EML4: variants seen among roughly 807,000 people sequenced by gnomAD.
EML4 encodes the protein EMAP like 4.
Under a neutral mutation model 129.0 loss-of-function variants are expected in EML4, and 72 were observed. The observed-to-expected ratio is 0.56, with a 90% CI of 0.46 to 0.68. EML4 has a LOEUF of 0.68. Among genes scored for constraint, EML4 ranks in the 30% least tolerant of loss-of-function variants. EML4 has a pLI of 0.00. For missense variants in EML4, 1,363 were observed against 1,190.6 expected, an observed-to-expected ratio of 1.14 and a Z score of -2.13; for synonymous variants, 532 against 405.0, an observed-to-expected ratio of 1.31 and a Z score of -3.77.
At chr2:42,178,779 A>G (rs899652269) in intron 1 of EML4, among the ~76,000 whole-genome samples, 3 of 152,226 alleles carry the variant, frequency 2.0e-5, no homozygotes, top group Non-Finnish European at 2.9e-5. Flanking sequence ...CCTGATTGGT[A>G]CACTCAAACC....
intron 8 of EML4, among the ~76,000 whole-genome samples, 179 bp downstream of exon 8, chr2:42,283,151 G>A (rs1667103775): frequency 6.6e-6 from 1 of 152,204 alleles, no homozygotes; most frequent in Non-Finnish European, 1.5e-5. Context: ...CCAAAATGGT[G>A]GTGTGGTATC....
chr2:42,266,153 A>C (rs1024873951), intron 6 of EML4, among the ~76,000 whole-genome samples: 1 of 152,242 alleles, frequency 6.6e-6, no homozygotes, highest in Non-Finnish European at 1.5e-5. Context: ...AAGAAAAGAA[A>C]GAAATATTTG....
chr2:42,175,248 G>T (rs1231500825), intron 1 of EML4, among the ~76,000 whole-genome samples: 1 of 151,344 alleles, frequency 6.6e-6, no homozygotes, highest in African/African-American at 2.4e-5. Context: ...CGAGTAGCTG[G>T]GACTACAGGC....
chr2:42,329,051 G>A lies in EML4; in HGVS notation c.2472+35G>A, dbSNP rs760085081. The A allele has an allele frequency of 1.6e-5, 25 of 1,593,686 alleles. 1 individual carries two copies. The Admixed American group carries it at 4.0e-4, about 25-fold the overall frequency. On this transcript the variant is annotated intron_variant, in intron 22 of 22. Coordinates refer to ENST00000318522, the MANE Select transcript of EML4 (RefSeq NM_019063.5). The stretch of plus-strand genomic sequence containing the variant: ...CTTTAATAGAAACTAATGTTATAAG[G>A]CCTTCTGTCCAGGGATGATTTTGCA...
chr2:42,269,187 G>A (rs1256090722), intron 6 of EML4, among the ~76,000 whole-genome samples: 1 of 152,184 alleles, frequency 6.6e-6, no homozygotes, highest in Non-Finnish European at 1.5e-5. Flanking sequence ...TACTTGAAAA[G>A]TCATTTTGAA....
chr2:42,208,244 T>C (rs1672676852), intron 1 of EML4, among the ~76,000 whole-genome samples: 1 of 152,118 alleles, frequency 6.6e-6, no homozygotes, highest in Non-Finnish European at 1.5e-5. Context: ...TTGAGATAAA[T>C]TTTCATTCTC....
intron 11 of EML4, chr2:42,289,163 T>G (rs567167875): frequency 1.3e-5 from 2 of 152,344 alleles, no homozygotes; most frequent in South Asian, 4.1e-4. Flanking sequence ...AACCTCAAAC[T>G]TTAAAAAACA....
intron 18 of EML4, among the ~76,000 whole-genome samples, chr2:42,317,164 G>T (rs1365829084): frequency 2.6e-5 from 4 of 152,156 alleles, no homozygotes; most frequent in Non-Finnish European, 5.9e-5. Flanking sequence ...ACCCAAGAAG[G>T]CAGGATAACC....
intron 1 of EML4, among the ~76,000 whole-genome samples, chr2:42,182,900 T>C (rs1232685182): frequency 6.6e-6 from 1 of 152,176 alleles, no homozygotes. Context: ...TGTGTACATA[T>C]CACTGGTGCC....
chr2:42,282,841 G>A lies in EML4; in HGVS notation c.810G>A (p.Lys270=). Reference sequence around the variant, plus strand: ...TGTTAAGATATGGTTATCGAGGAAAGGACTGTAGAGCTAATGTTTACCTTC... The same window carrying A: ...TGTTAAGATATGGTTATCGAGGAAAAGACTGTAGAGCTAATGTTTACCTTC... ...KLEWAYGYRG[K]DCRANVYLLP... is the part of the protein sequence containing the mutation. The change falls in exon 8 of 23, where the codon AAG becomes AAA. Residue 270 remains lysine, a synonymous_variant. Coordinates refer to ENST00000318522, the MANE Select transcript of EML4 (RefSeq NM_019063.5). 6.2e-7 allele frequency: 1 copy of A among 1,612,972 alleles called. No homozygotes were observed. The highest frequency in any genetic ancestry group is 8.5e-7 in the Non-Finnish European group (1 of 1,179,278).
At chr2:42,210,255 C>T (rs1379819126) in intron 1 of EML4, among the ~76,000 whole-genome samples, 1 of 151,932 alleles carries the variant, frequency 6.6e-6, no homozygotes, top group Admixed American at 6.6e-5. Context: ...TTTTTGATAC[C>T]TCGACAGTTT....
intron 1 of EML4, among the ~76,000 whole-genome samples, chr2:42,174,641 C>T (rs182848126): frequency 6.3e-4 from 96 of 152,148 alleles, no homozygotes; most frequent in Non-Finnish European, 9.3e-4. Context: ...CTTTAGCTGT[C>T]TTAGGCTTTT....
chr2:42,311,125 T>C (rs1450874767), intron 17 of EML4, among the ~76,000 whole-genome samples: 1 of 152,220 alleles, frequency 6.6e-6, no homozygotes, highest in Non-Finnish European at 1.5e-5. Flanking sequence ...TTAAGAGTTT[T>C]AGGTTTCTAC....
chr2:42,263,396 ATCTTTT>A, intron 5 of EML4, 90 bp downstream of exon 5: 6 of 449,356 alleles, frequency 1.3e-5, no homozygotes, highest in East Asian at 8.4e-5. Context: ...TCTGGTTTGA[ATCTTTT>A]TTTTTTTTTT....
intron 1 of EML4, among the ~76,000 whole-genome samples, chr2:42,223,277 T>G (rs1312996229): frequency 6.6e-6 from 1 of 152,164 alleles, no homozygotes; most frequent in East Asian, 1.9e-4. Flanking sequence ...ACGTAAAGAT[T>G]ACTGTTCAGA....
intron 1 of EML4, among the ~76,000 whole-genome samples, chr2:42,178,380 C>CAA (rs112033160): frequency 2.2e-5 from 3 of 133,778 alleles, no homozygotes; most frequent in African/African-American, 2.7e-5. Context: ...CTGTCTCTAC[C>CAA]AAAAAAAAAA....
At chr2:42,276,597 G>A (rs192695637) in intron 6 of EML4, among the ~76,000 whole-genome samples, 2 of 152,290 alleles carry the variant, frequency 1.3e-5, no homozygotes, top group Non-Finnish European at 2.9e-5. Flanking sequence ...GTTTAGAGTG[G>A]TCATAAATCC....
At chr2:42,173,633 G>A (rs538503494) in intron 1 of EML4, among the ~76,000 whole-genome samples, 1 of 152,096 alleles carries the variant, frequency 6.6e-6, no homozygotes, top group South Asian at 2.1e-4. Context: ...AGGATCGATT[G>A]AGCCCAGTAG....
intron 1 of EML4, among the ~76,000 whole-genome samples, chr2:42,197,997 T>C (rs1161693334): frequency 6.6e-6 from 1 of 152,210 alleles, no homozygotes; most frequent in Non-Finnish European, 1.5e-5. Context: ...TTTGTAGCCT[T>C]GGACAAGTTA....
Sources: allele counts gnomAD v4.1 joint callset (sites outside exome capture counted in the v4.1 genomes callset), GRCh38; gene constraint gnomAD v4.1.1; transcripts MANE v1.5; gene names NCBI Gene and HGNC (gene_info 2026-07-23, HGNC 2026-07-21).